Variants in SGSH observed in about 807,000 individuals in gnomAD.
SGSH encodes the protein N-sulfoglucosamine sulfohydrolase, also known as heparan sulfate sulfatase.
A neutral mutation model predicts 51.0 loss-of-function variants in SGSH; 48 were observed. That is an observed-to-expected ratio of 0.94 (90% CI 0.75 to 1.20). SGSH has a LOEUF of 1.20. SGSH is among the 50% of genes most tolerant of loss of function. The pLI, the probability that SGSH is intolerant of heterozygous loss-of-function variation, is 0.00. For missense variants in SGSH, 662 were observed against 717.8 expected (o/e 0.92, Z 0.89); for synonymous variants, 321 against 313.4 (o/e 1.02, Z -0.26).
chr17:80,210,951 C>T lies in SGSH; in HGVS notation c.1010G>A (p.Gly337Asp). The change falls in exon 8 of 8, where the codon GGC becomes GAC. Residue 337 changes from glycine to aspartate, a missense_variant. Transcript: ENST00000326317. ...GCCAGTGAGGTGGATGGTCTTCGAG[C>T]CAAAGATGGCGTAGCTGGGGTACGG... ...SIPYPSYAIF[G>D]SKTIHLTGRS... The T allele has an allele frequency of 6.2e-7, 1 of 1,603,738 alleles. No individual in the cohort carries two copies. The highest frequency in any genetic ancestry group is 8.5e-7 in the Non-Finnish European group (1 of 1,179,896).
chr17:80,214,624 T>C lies in SGSH; in HGVS notation c.497A>G (p.Gln166Arg), dbSNP rs1174111977. 2.5e-6 allele frequency: 4 copies of C among 1,612,890 alleles called. No individual in the cohort carries two copies. Among genetic ancestry groups the C allele is most frequent in the Non-Finnish European group, 3.4e-6 (4 of 1,179,820 alleles). Residue 166 changes from glutamine to arginine, a missense_variant, in exon 4 of 8, where the codon CAG becomes CGG. By Grantham distance (43) the Gln-to-Arg change is conservative (BLOSUM62 1). Coordinates refer to ENST00000326317, the MANE Select transcript of SGSH (RefSeq NM_000199.5). ...GGGCCCCGACTCATACCGGTCATCC[T>C]GAGTCTGCAGGAATTTCCGGACGAG... ...KLLVRKFLQT[Q>R]DDRPFFLYVA...
chr17:80,206,274 G>T (rs2041298081), downstream of SGSH, among the ~76,000 whole-genome samples: 1 of 112,996 alleles, frequency 8.8e-6, no homozygotes, highest in Non-Finnish European at 2.1e-5. Context: ...AGACCAGCCT[G>T]AGCAACACAG....
At chr17:80,204,467 A>G, downstream of SGSH, 1 of 908,584 alleles carries the variant, frequency 1.1e-6, no homozygotes, top group East Asian at 2.8e-5. Context: ...CTGGTCTTCA[A>G]GAATCATGGG....
At chr17:80,205,561 G>A, downstream of SGSH, 1 of 1,583,764 alleles carries the variant, frequency 6.3e-7, no homozygotes. Flanking sequence ...TATGAGGCCT[G>A]GAGCCAGAGA....
At chr17:80,217,807 G>A (rs2041948834) in intron 1 of SGSH, among the ~76,000 whole-genome samples, 1 of 152,052 alleles carries the variant, frequency 6.6e-6, no homozygotes, top group Non-Finnish European at 1.5e-5. Flanking sequence ...GGCAGGCATG[G>A]TATCCAAGTG....
chr17:80,209,142 C>T (rs555097806), downstream of SGSH: 187 of 214,886 alleles, frequency 8.7e-4, no homozygotes, highest in African/African-American at 4.2e-3. Flanking sequence ...CTTCAGGGCT[C>T]GGGGAGGACC....
chr17:80,219,373 C>T (rs536050160), intron 1 of SGSH, among the ~76,000 whole-genome samples: 1 of 152,250 alleles, frequency 6.6e-6, no homozygotes, highest in East Asian at 1.9e-4. Context: ...CTGTTTAAGC[C>T]GATCCATGGC....
At chr17:80,203,740 C>T, downstream of SGSH, 2 of 1,064,964 alleles carry the variant, frequency 1.9e-6, no homozygotes, top group South Asian at 2.8e-5. This position sits in a 1 kb window ranked among gnomAD's most constrained non-coding sequence, Gnocchi z 4.6. Flanking sequence ...GCCATCTCCC[C>T]CACTCTCCCC....
chr17:80,204,226 G>A, downstream of SGSH: 2 of 1,584,802 alleles, frequency 1.3e-6, no homozygotes, highest in Admixed American at 1.7e-5. Context: ...CCCTCCTTTA[G>A]CCATCTTCTG....
rs541645056 is a variant in SGSH at position 80,209,321 on chromosome 17, C to T, written c.*1131G>A. On this transcript the variant is annotated 3_prime_UTR_variant, in exon 8 of 8. Transcript: ENST00000326317. ...CTGTATATTTTACTAAAATAAAAAG[C>T]TTTTACAATAGCTGGCCTGTGGCCT... The T allele has an allele frequency of 3.3e-4, 328 of 985,318 alleles. 2 individuals carry two copies. The African/African-American group carries it at 5.2e-3, about 16-fold the overall frequency. The allele number at this position is 985,318 out of a possible 1,614,324, so 61.0% of individuals were successfully genotyped here. A position where few individuals can be genotyped will look rare whatever the true frequency, so the allele number is the denominator to read the frequency against.
In SGSH at chr17:80,212,576, G is replaced by A. The variant is rs941610490; in HGVS notation, c.746-302C>T. The A allele has an allele frequency of 5.1e-5, 24 of 466,100 alleles. No homozygotes were observed. The highest frequency in any genetic ancestry group is 6.2e-4 in the Middle Eastern group (1 of 1,624). The allele number at this position is 466,100 out of a possible 1,614,324, so 28.9% of individuals were successfully genotyped here. On this transcript the variant is annotated intron_variant, in intron 6 of 7. Coordinates refer to ENST00000326317, the MANE Select transcript of SGSH (RefSeq NM_000199.5). The surrounding 1 kb of genome is among the most constrained non-coding windows in gnomAD (Gnocchi z 5.9). ...GTGCCCGCCGGCTTTTGAGTTCTCCGGAATCTCGTGTCTGTCCCATGGAGC... is the reference window on the plus strand; with the variant it reads ...GTGCCCGCCGGCTTTTGAGTTCTCCAGAATCTCGTGTCTGTCCCATGGAGC...
intron 2 of SGSH, among the ~76,000 whole-genome samples, chr17:80,215,901 G>C (rs1477648047): frequency 6.6e-6 from 1 of 152,212 alleles, no homozygotes; most frequent in East Asian, 1.9e-4. Context: ...CCCACTGACG[G>C]ATGAATATGG....
downstream of SGSH, chr17:80,202,045 C>A: frequency 8.4e-7 from 1 of 1,193,668 alleles, no homozygotes; most frequent in Non-Finnish European, 1.2e-6. Flanking sequence ...AAACCTCCCA[C>A]CCACTGACTC....
Position 80,212,479 on chromosome 17 carries a change from C to T in SGSH, c.746-205G>A. 1.6e-6 allele frequency: 1 copy of T among 626,614 alleles called. No homozygotes were observed. The highest frequency in any genetic ancestry group is 2.9e-6 in the Non-Finnish European group (1 of 343,838). The allele number at this position is 626,614 out of a possible 1,614,324, so 38.8% of individuals were successfully genotyped here. On this transcript the variant is annotated intron_variant, in intron 6 of 7. Transcript: ENST00000326317. The surrounding 1 kb of genome is among the most constrained non-coding windows in gnomAD (Gnocchi z 5.9). Reference sequence around the variant, plus strand: ...GCCCAGCTCCCATTCCCTGAGCAGGCCTCGAATGGGCCTCCAGGGACTCCA... The same window carrying T: ...GCCCAGCTCCCATTCCCTGAGCAGGTCTCGAATGGGCCTCCAGGGACTCCA...
In SGSH at chr17:80,212,150, A is replaced by G; in HGVS notation, c.870T>C (p.Thr290=). 1 of 1,613,588 alleles carries G rather than the reference A, an allele frequency of 6.2e-7. No homozygotes were observed. Among genetic ancestry groups the G allele is most frequent in the Non-Finnish European group, 8.5e-7 (1 of 1,180,036 alleles). Reference sequence around the variant, plus strand: ...GGGATGACACCAGTAAGGGTTCAGCAGTGCCCGGCCAGTACAGGTTGGTCC... The same window carrying G: ...GGGATGACACCAGTAAGGGTTCAGCGGTGCCCGGCCAGTACAGGTTGGTCC... ...SGRTNLYWPG[T]AEPLLVSSPE... Residue 290 remains threonine, a synonymous_variant, in exon 7 of 8, where the codon ACT becomes ACC. Coordinates refer to ENST00000326317, the MANE Select transcript of SGSH (RefSeq NM_000199.5). The surrounding 1 kb of genome is among the most constrained non-coding windows in gnomAD (Gnocchi z 5.9).
chr17:80,211,881 C>T, intron 7 of SGSH, 190 bp downstream of exon 7: 1 of 640,748 alleles, frequency 1.6e-6, no homozygotes, highest in Non-Finnish European at 2.8e-6. Flanking sequence ...GCTGTGCAAT[C>T]CTGAGCAGCT....
At chr17:80,202,099 C>A, downstream of SGSH, 1 of 1,350,994 alleles carries the variant, frequency 7.4e-7, no homozygotes. Flanking sequence ...CCTTCCTTCT[C>A]TCCTACTTTA....
chr17:80,214,329 C>T lies in SGSH; in HGVS notation c.507-1G>A. On this transcript the variant is annotated splice_acceptor_variant, in intron 4 of 7. Transcript: ENST00000326317. LOFTEE classifies it high-confidence loss of function. Reference sequence around the variant, plus strand: ...GAAGGCGACGTAGAGGAAGAAAGGCCTGCACGGGAGGAGGCTCATTGCCAA... The same window carrying T: ...GAAGGCGACGTAGAGGAAGAAAGGCTTGCACGGGAGGAGGCTCATTGCCAA... The T allele has an allele frequency of 6.2e-7, 1 of 1,612,362 alleles. No homozygotes were observed.
At chr17:80,215,895 C>G (rs2041873111) in intron 2 of SGSH, among the ~76,000 whole-genome samples, 1 of 152,220 alleles carries the variant, frequency 6.6e-6, no homozygotes, top group Admixed American at 6.5e-5. Flanking sequence ...CAAGTGCCCA[C>G]TGACGGATGA....
Sources: gnomAD v4.1 joint callset for allele counts (sites outside exome capture counted in the v4.1 genomes callset) on GRCh38, gnomAD v4.1.1 for gene constraint, Gnocchi (gnomAD v3.1) non-coding constraint, MANE v1.5 for transcripts, NCBI Gene and HGNC (gene_info 2026-07-23, HGNC 2026-07-21) for gene names.